The following DYSF variants were observed in gnomAD, a reference collection of about 807,000 sequenced individuals.
DYSF encodes the protein dysferlin.
A neutral mutation model predicts 274.9 loss-of-function variants in DYSF; 212 were observed. The observed-to-expected ratio is 0.77, with a 90% confidence interval of 0.69 to 0.86. The LOEUF is 0.86. DYSF is among the 40% of genes least tolerant of loss of function. DYSF has a pLI of 0.00. For missense variants in DYSF, 2,666 were observed against 2,783.2 expected, an observed-to-expected ratio of 0.96 and a Z score of 0.95; for synonymous variants, 1,091 against 1,078.7, an observed-to-expected ratio of 1.01 and a Z score of -0.22.
chr2:71,462,300 C>A (rs4622761), upstream of DYSF, among the ~76,000 whole-genome samples: 79,565 of 151,946 alleles, frequency 0.52, 21,073 homozygotes, highest in East Asian at 0.71. Context: ...TGCCAGGCTG[C>A]GGCTGGGCCA....
In DYSF at chr2:71,615,560, GT is replaced by G. The variant is rs1197433035; in HGVS notation, c.4464+2152del. Among the ~76,000 whole-genome samples, 2 of 152,110 alleles carry G rather than the reference GT, an allele frequency of 1.3e-5. No homozygotes were observed. Among genetic ancestry groups the G allele is most frequent in the Non-Finnish European group, 2.9e-5 (2 of 68,002 alleles). The stretch of plus-strand genomic sequence containing the variant: ...AGCCCCTTTTCTGGTATCTGACTTT[GT>G]TCCATGTTTTTCTCTGAGATCTATT... On this transcript the variant is annotated intron_variant, in intron 40 of 55. Transcript: ENST00000410020. This position sits in a 1 kb window ranked among gnomAD's most constrained non-coding sequence, Gnocchi z 4.9.
At chr2:71,602,643 C>T (rs1273949710) in intron 35 of DYSF, 133 bp from the exon 36 acceptor site, 1 of 889,108 alleles carries the variant, frequency 1.1e-6, no homozygotes, top group African/African-American at 1.7e-5. Context: ...CTGTTGGCTC[C>T]TCTTAGTGGT....
At chr2:71,559,904 G>A (rs533499308) in intron 22 of DYSF, among the ~76,000 whole-genome samples, 34 of 152,202 alleles carry the variant, frequency 2.2e-4, no homozygotes, top group Admixed American at 8.5e-4. Flanking sequence ...TGAATGCCCC[G>A]AGGCCAGTTC....
Position 71,686,466 on chromosome 2 carries a change from A to T in DYSF, c.6334A>T (p.Met2112Leu). 1 of 1,614,148 alleles carries T rather than the reference A, an allele frequency of 6.2e-7. No homozygotes were observed. Among genetic ancestry groups the T allele is most frequent in the Non-Finnish European group, 8.5e-7 (1 of 1,180,004 alleles). Residue 2112 changes from methionine (M) to leucine (L), a missense_variant, in exon 56 of 56, where the codon ATG becomes TTG. Met to Leu is a conservative substitution (Grantham distance 15). Around this residue, in one of 3 missense-constraint regions of DYSF, gnomAD observed 1,460 missense variants for 1,502.1 expected, o/e 0.97. Coordinates refer to ENST00000410020, the MANE Select transcript of DYSF (RefSeq NM_001130987.2). ...FIYAFPNYAAMKLVKPFS is the reference protein window; with the variant it reads ...FIYAFPNYAALKLVKPFS ...TCCCTCCCTCCAGAACTATGCTGCC[A>T]TGAAGCTGGTGAAGCCCTTCAGCTG...
intron 1 of DYSF, among the ~76,000 whole-genome samples, chr2:71,467,952 C>A (rs1287778966): frequency 6.6e-6 from 1 of 152,152 alleles, no homozygotes; most frequent in African/African-American, 2.4e-5. Context: ...TCTCCAAGCA[C>A]CCCCAAGATA....
intron 32 of DYSF, among the ~76,000 whole-genome samples, chr2:71,594,419 G>A (rs1264928759): frequency 6.6e-6 from 1 of 152,180 alleles, no homozygotes; most frequent in Admixed American, 6.5e-5. Flanking sequence ...GATTTACAAT[G>A]CACAGTGGCA....
rs2089853224 is a variant in DYSF at position 71,540,681 on chromosome 2, AC to A, written c.1576+1443del. Reference sequence around the variant, plus strand: ...AATAATTATTTTATATTTATATATAACATGTTTATATAATTTATATTCATTC... The same window carrying A: ...AATAATTATTTTATATTTATATATAAATGTTTATATAATTTATATTCATTC... On this transcript the variant is annotated intron_variant, in intron 17 of 55. Transcript: ENST00000410020. Among the ~76,000 whole-genome samples the A allele has an allele frequency of 5.3e-5, 8 of 150,866 alleles. No individual in the cohort carries two copies. In the East Asian group the frequency reaches 1.5e-3, roughly 29 times the overall value.
intron 30 of DYSF, among the ~76,000 whole-genome samples, chr2:71,577,926 TTG>T (rs1176972112): frequency 6.6e-5 from 10 of 152,098 alleles, no homozygotes; most frequent in Non-Finnish European, 1.2e-4. Context: ...TGGTGATTCA[TTG>T]GTGGGATGGG....
chr2:71,526,469 T>A, intron 13 of DYSF, 123 bp downstream of exon 13: 1 of 1,403,894 alleles, frequency 7.1e-7, no homozygotes, highest in Non-Finnish European at 9.5e-7. Context: ...AGGAAAACAA[T>A]CAGAATTTAA....
chr2:71,649,696 C>A (rs539912817), intron 42 of DYSF, among the ~76,000 whole-genome samples: 2 of 151,936 alleles, frequency 1.3e-5, no homozygotes, highest in African/African-American at 2.4e-5. Context: ...AAAAAAAGAA[C>A]CTATGAAATG....
At chr2:71,587,935 C>A (rs1027813043) in intron 30 of DYSF, among the ~76,000 whole-genome samples, 19 of 152,088 alleles carry the variant, frequency 1.2e-4, no homozygotes, top group Non-Finnish European at 2.5e-4. Flanking sequence ...TTTTGCAGGC[C>A]CTTTGCAGCA....
chr2:71,604,493 G>T (rs914072292), intron 36 of DYSF, among the ~76,000 whole-genome samples: 4 of 152,206 alleles, frequency 2.6e-5, no homozygotes, highest in African/African-American at 9.6e-5. Flanking sequence ...GCCTCCTCCT[G>T]AGCCCCTGGC....
intron 42 of DYSF, among the ~76,000 whole-genome samples, chr2:71,650,058 C>G (rs1367072333): frequency 3.9e-5 from 6 of 152,134 alleles, no homozygotes; most frequent in Non-Finnish European, 1.5e-5. Flanking sequence ...TATCTATGTG[C>G]TAAATACTAC....
chr2:71,527,580 C>G (rs1419436067), intron 13 of DYSF, among the ~76,000 whole-genome samples: 1 of 86,888 alleles, frequency 1.2e-5, no homozygotes, highest in African/African-American at 5.4e-5. Flanking sequence ...GAATTCCCTG[C>G]AACGTTGTTT....
At chr2:71,676,793 C>T (rs1402192137) in intron 52 of DYSF, among the ~76,000 whole-genome samples, 3 of 152,104 alleles carry the variant, frequency 2.0e-5, no homozygotes, top group Non-Finnish European at 4.4e-5. Context: ...TTTCTAATTA[C>T]ATAACTTGTG....
chr2:71,467,201 C>T (rs1399893958), intron 1 of DYSF, among the ~76,000 whole-genome samples: 1 of 152,174 alleles, frequency 6.6e-6, no homozygotes, highest in Non-Finnish European at 1.5e-5. Flanking sequence ...GACTGACACC[C>T]AGAGGAAATA....
intron 8 of DYSF, 95 bp downstream of exon 8, chr2:71,515,846 C>G: frequency 6.4e-7 from 1 of 1,557,780 alleles, no homozygotes; most frequent in South Asian, 1.2e-5. Context: ...AGAGTGTTTA[C>G]GTATGGCGCT....
intron 1 of DYSF, among the ~76,000 whole-genome samples, chr2:71,458,640 C>T (rs2081165784): frequency 6.6e-6 from 1 of 152,208 alleles, no homozygotes; most frequent in Non-Finnish European, 1.5e-5. Flanking sequence ...TCCCTCTCCC[C>T]AGGCCAAACT....
At chr2:71,659,689 C>T (rs548135001) in intron 44 of DYSF, among the ~76,000 whole-genome samples, 9 of 152,248 alleles carry the variant, frequency 5.9e-5, no homozygotes, top group African/African-American at 1.7e-4. Flanking sequence ...AAGATAAGTG[C>T]GTGAGCTGTC....
Sources: gnomAD v4.1 joint callset for allele counts (sites outside exome capture counted in the v4.1 genomes callset) on GRCh38, gnomAD v4.1.1 for gene constraint, gnomAD v4.1.1 regional missense constraint, Gnocchi (gnomAD v3.1) non-coding constraint, MANE v1.5 for transcripts, NCBI Gene and HGNC (gene_info 2026-07-23, HGNC 2026-07-21) for gene names.